TMPRSS15: variants seen among roughly 807,000 people sequenced by gnomAD.
The protein encoded by TMPRSS15 is transmembrane serine protease 15.
TMPRSS15 carries 128 observed loss-of-function variants against 125.3 expected under a neutral mutation model. The ratio of observed to expected loss-of-function variants is 1.02; its 90% CI spans 0.89 to 1.18. The LOEUF is 1.18. Ranked by LOEUF, TMPRSS15 falls within the 50% of genes most tolerant of loss-of-function variation. TMPRSS15 has a pLI of 0.00. For synonymous variants in TMPRSS15, 446 were observed against 423.2 expected, an observed-to-expected ratio of 1.05 and a Z score of -0.66; for missense variants, 1,283 against 1,212.7, an observed-to-expected ratio of 1.06 and a Z score of -0.86.
chr21:18,312,924 G>T (rs201778867), intron 18 of TMPRSS15, 21 bp downstream of exon 18: 2 of 1,612,400 alleles, frequency 1.2e-6, no homozygotes, highest in Non-Finnish European at 1.7e-6. Context: ...TCTTAAAAAG[G>T]AACTCAGTAG....
intron 1 of TMPRSS15, among the ~76,000 whole-genome samples, chr21:18,441,306 A>C (rs13050671): frequency 0.25 from 38,028 of 150,022 alleles, 6,153 homozygotes; most frequent in Middle Eastern, 0.4. Context: ...AAAACAAAAC[A>C]AAACCAAAAA....
At position 18,288,072 on chromosome 21, in the gene TMPRSS15, C is replaced by G. The variant is rs547052200; in HGVS notation, c.2486+6198G>C. Among the ~76,000 whole-genome samples, 5 of 152,214 alleles carry G rather than the reference C, an allele frequency of 3.3e-5. No homozygotes were observed. In the East Asian group the frequency reaches 9.7e-4, roughly 29 times the overall value. On this transcript the variant is annotated intron_variant, in intron 21 of 24. Transcript: ENST00000284885. ...AGCACTATTCACAATAGAAAAGATACTGAATCAACATAAGTGTTCATCAAC... is the reference window on the plus strand; with the variant it reads ...AGCACTATTCACAATAGAAAAGATAGTGAATCAACATAAGTGTTCATCAAC...
chr21:18,313,228 A>G lies in TMPRSS15; in HGVS notation c.2033-151T>C, dbSNP rs79179727. 3,760 of 699,618 alleles carry G rather than the reference A, an allele frequency of 5.4e-3. 64 individuals are homozygous for G. Among genetic ancestry groups the G allele is most frequent in the African/African-American group, 0.034 (1,917 of 56,558 alleles). 43.3% of individuals were successfully genotyped at this position (699,618 alleles called of 1,614,324 possible). A position where few individuals can be genotyped will look rare whatever the true frequency, so the allele number is the denominator to read the frequency against. On this transcript the variant is annotated intron_variant, in intron 17 of 24. Transcript: ENST00000284885. Reference sequence around the variant, plus strand: ...CAGCACTGTGACTATAGTTAATAATAATGTATTGTATATTTCAAAATTTTG... The same window carrying G: ...CAGCACTGTGACTATAGTTAATAATGATGTATTGTATATTTCAAAATTTTG...
At chr21:18,449,057 A>T (rs541753635) in intron 1 of TMPRSS15, among the ~76,000 whole-genome samples, 1 of 152,240 alleles carries the variant, frequency 6.6e-6, no homozygotes, top group East Asian at 1.9e-4. Context: ...AACTATACAG[A>T]CACAATTTGC....
chr21:18,273,392 T>G (rs559286690), intron 24 of TMPRSS15, among the ~76,000 whole-genome samples: 2 of 152,322 alleles, frequency 1.3e-5, no homozygotes, highest in Admixed American at 1.3e-4. Flanking sequence ...AACATAGTAT[T>G]AAAGTTGAAC....
At chr21:18,438,132 A>C (rs1351894436) in intron 1 of TMPRSS15, among the ~76,000 whole-genome samples, 1 of 150,858 alleles carries the variant, frequency 6.6e-6, no homozygotes, top group Non-Finnish European at 1.5e-5. Context: ...TACACCATGG[A>C]ATACTATGCA....
intron 24 of TMPRSS15, among the ~76,000 whole-genome samples, chr21:18,273,975 T>C (rs1341007738): frequency 3.3e-5 from 5 of 152,192 alleles, no homozygotes; most frequent in African/African-American, 9.6e-5. Context: ...TAGTATGACA[T>C]ATATGTGTTA....
At chr21:18,336,476 A>C (rs1013453943) in intron 13 of TMPRSS15, among the ~76,000 whole-genome samples, 1 of 152,182 alleles carries the variant, frequency 6.6e-6, no homozygotes, top group Non-Finnish European at 1.5e-5. Context: ...TGTTCCATAA[A>C]ATTTTGTGTT....
intron 3 of TMPRSS15, among the ~76,000 whole-genome samples, chr21:18,388,934 T>G (rs182817441): frequency 5.9e-5 from 9 of 152,186 alleles, no homozygotes; most frequent in African/African-American, 1.9e-4. Context: ...GATTATACAC[T>G]CTGGAAACAG....
chr21:18,402,092 G>A (rs1421657693), intron 1 of TMPRSS15, among the ~76,000 whole-genome samples: 1 of 152,060 alleles, frequency 6.6e-6, no homozygotes, highest in East Asian at 1.9e-4. Context: ...CCGTGTGTAT[G>A]TCTATAGTTT....
At chr21:18,475,520 T>C (rs1978864286) in intron 1 of TMPRSS15, among the ~76,000 whole-genome samples, 1 of 152,042 alleles carries the variant, frequency 6.6e-6, no homozygotes, top group South Asian at 2.1e-4. Context: ...TGAACCCAGG[T>C]GGTTGAGGCT....
intron 1 of TMPRSS15, among the ~76,000 whole-genome samples, chr21:18,470,356 C>A (rs2123282106): frequency 6.6e-6 from 1 of 152,018 alleles, no homozygotes; most frequent in South Asian, 2.1e-4. Context: ...GCCTCCCTGT[C>A]CTTGCAAACT....
chr21:18,478,829 A>G (rs1978926870), intron 1 of TMPRSS15, among the ~76,000 whole-genome samples: 1 of 151,962 alleles, frequency 6.6e-6, no homozygotes, highest in South Asian at 2.1e-4. Flanking sequence ...GGTGAGATTA[A>G]CCTTTACAAT....
intron 18 of TMPRSS15, among the ~76,000 whole-genome samples, chr21:18,301,435 G>T (rs28691719): frequency 6.6e-6 from 1 of 152,168 alleles, no homozygotes; most frequent in Non-Finnish European, 1.5e-5. Flanking sequence ...ATTACCCTAT[G>T]TGAAGTCACC....
chr21:18,367,036 A>G (rs1020758746), intron 6 of TMPRSS15, among the ~76,000 whole-genome samples: 1 of 152,056 alleles, frequency 6.6e-6, no homozygotes, highest in Non-Finnish European at 1.5e-5. Context: ...TGGTATATAT[A>G]TATTTTCAGG....
chr21:18,289,052 G>T (rs2074801832), intron 21 of TMPRSS15, among the ~76,000 whole-genome samples: 1 of 152,070 alleles, frequency 6.6e-6, no homozygotes, highest in South Asian at 2.1e-4. Context: ...ATTGATATAT[G>T]TCCTGTGTTC....
rs552646569 is a variant in TMPRSS15, at chr21:18,300,170, G to A, written c.2166-2341C>T. Among the ~76,000 whole-genome samples the A allele has an allele frequency of 1.2e-3, 180 of 151,986 alleles. 2 individuals are homozygous for A. The highest frequency in any genetic ancestry group is 2.9e-3 in the African/African-American group (120 of 41,476). ...GGATATCTCTTTTAAGACAGAGCCCGAAGGGATACATTCCTTTTTCTTTCT... is the reference window on the plus strand; with the variant it reads ...GGATATCTCTTTTAAGACAGAGCCCAAAGGGATACATTCCTTTTTCTTTCT... On this transcript the variant is annotated intron_variant, in intron 18 of 24. Transcript: ENST00000284885.
At chr21:18,420,227 G>C (rs1020778078) in intron 1 of TMPRSS15, among the ~76,000 whole-genome samples, 1 of 152,168 alleles carries the variant, frequency 6.6e-6, no homozygotes, top group African/African-American at 2.4e-5. Flanking sequence ...GAATGGTTTG[G>C]ATGAGGCAAT....
rs1461927983 is a variant in TMPRSS15, at chr21:18,396,808, G to GTCTGTCTATCTATCTA, written c.344+1070_344+1071insTAGATAGATAGACAGA. ...AAAAAAAAAATCTGTCTGTCTGTCT[G>GTCTGTCTATCTATCTA]TCTATCTATCTATCTATCTATCTAT... On this transcript the variant is annotated intron_variant, in intron 3 of 24. Transcript: ENST00000284885. 9.3e-4 allele frequency among the ~76,000 whole-genome samples: 100 copies of GTCTGTCTATCTATCTA among 107,806 alleles called. 3 individuals are homozygous for GTCTGTCTATCTATCTA. Among genetic ancestry groups the GTCTGTCTATCTATCTA allele is most frequent in the South Asian group, 3.7e-3 (10 of 2,670 alleles). The allele number at this position is 107,806 out of a possible 152,430, so 70.7% of individuals were successfully genotyped here.
Sources: gnomAD v4.1 joint callset for allele counts (sites outside exome capture counted in the v4.1 genomes callset) on GRCh38, gnomAD v4.1.1 for gene constraint, MANE v1.5 for transcripts, NCBI Gene and HGNC (gene_info 2026-07-23, HGNC 2026-07-21) for gene names.